SLC8A1: variants seen among roughly 807,000 people sequenced by gnomAD.
The protein encoded by SLC8A1 is solute carrier family 8 member A1, also known as sodium/calcium exchanger 1.
A neutral mutation model predicts 68.3 loss-of-function variants in SLC8A1; 18 were observed. The ratio of observed to expected loss-of-function variants is 0.26; its 90% CI spans 0.18 to 0.39. The LOEUF is 0.39. Among genes scored for constraint, SLC8A1 ranks in the 10% least tolerant of loss-of-function variants. The pLI is 1.00. For synonymous variants in SLC8A1, 475 were observed against 415.5 expected (o/e 1.14, Z -1.74); for missense variants, 985 against 1,156.7 (o/e 0.85, Z 2.15).
chr2:40,510,811 C>CATAT (rs1007210485), intron 1 of SLC8A1, among the ~76,000 whole-genome samples: 2 of 152,000 alleles, frequency 1.3e-5, no homozygotes, highest in Non-Finnish European at 2.9e-5. Flanking sequence ...TGTAAATAGG[C>CATAT]ATATAAAAGA....
chr2:40,114,391 G>A (rs2034973254), exon 8 of SLC8A1: 1 of 152,846 alleles, frequency 6.5e-6, no homozygotes, highest in South Asian at 2.1e-4. Flanking sequence ...TTGCATAGGG[G>A]ATGGCAGGTG....
At chr2:40,193,065 C>T (rs751771525) in intron 2 of SLC8A1, among the ~76,000 whole-genome samples, 9 of 152,124 alleles carry the variant, frequency 5.9e-5, no homozygotes, top group Non-Finnish European at 1.3e-4. Context: ...TTGGTTGACT[C>T]ACTGTCTGTA....
At chr2:40,385,165 C>T (rs1683151938) in intron 2 of SLC8A1, among the ~76,000 whole-genome samples, 1 of 152,014 alleles carries the variant, frequency 6.6e-6, no homozygotes, top group Non-Finnish European at 1.5e-5. Context: ...TAATTGCTAT[C>T]ACCTTTTTAA....
In SLC8A1 at chr2:40,213,228, C is replaced by G. The variant is rs541381685; in HGVS notation, c.1809-35373G>C. 9 of 152,248 alleles carry G rather than the reference C, an allele frequency of 5.9e-5. No homozygotes were observed. In the South Asian group the frequency reaches 1.7e-3, roughly 28 times the overall value. The allele number at this position is 152,248 out of a possible 1,614,324, so 9.4% of individuals were successfully genotyped here. On this transcript the variant is annotated intron_variant, in intron 2 of 7. Transcript: ENST00000406785. The stretch of plus-strand genomic sequence containing the variant: ...CACAGATAATTCACTGGTAAGATCA[C>G]CGAGTGACCCAGGAATGAAACCTAC...
chr2:40,285,103 A>G (rs2068105205), intron 2 of SLC8A1, among the ~76,000 whole-genome samples: 1 of 152,140 alleles, frequency 6.6e-6, no homozygotes. Flanking sequence ...TTCCTTCAAG[A>G]GACATTTATT....
intron 2 of SLC8A1, among the ~76,000 whole-genome samples, chr2:40,258,481 C>A (rs550090874): frequency 6.6e-6 from 1 of 152,320 alleles, no homozygotes; most frequent in South Asian, 2.1e-4. Context: ...CCTCTCCACC[C>A]AAAACCCTGC....
intron 2 of SLC8A1, among the ~76,000 whole-genome samples, chr2:40,367,549 T>C (rs933552410): frequency 6.6e-6 from 1 of 152,022 alleles, no homozygotes; most frequent in African/African-American, 2.4e-5. Context: ...GTAAGTATTT[T>C]CCTTGCCCTA....
intron 1 of SLC8A1, among the ~76,000 whole-genome samples, chr2:40,434,204 G>A (rs972556705): frequency 5.9e-5 from 9 of 152,140 alleles, no homozygotes; most frequent in African/African-American, 2.2e-4. Context: ...GAAAAAGGAA[G>A]GGGGCTTCCG....
At chr2:40,323,977 G>C (rs924076058) in intron 2 of SLC8A1, among the ~76,000 whole-genome samples, 10 of 151,128 alleles carry the variant, frequency 6.6e-5, no homozygotes, top group Non-Finnish European at 1.5e-4. Flanking sequence ...CTTATAAATA[G>C]AGTTACTATG....
At chr2:40,201,046 C>T (rs935521223) in intron 2 of SLC8A1, among the ~76,000 whole-genome samples, 7 of 151,320 alleles carry the variant, frequency 4.6e-5, no homozygotes, top group African/African-American at 9.7e-5. Flanking sequence ...AAAGTAAGGG[C>T]GAGAATTATA....
intron 1 of SLC8A1, among the ~76,000 whole-genome samples, chr2:40,475,246 G>C (rs1004242538): frequency 6.6e-6 from 1 of 152,048 alleles, no homozygotes; most frequent in Non-Finnish European, 1.5e-5. Context: ...CCATTCTCCT[G>C]CCTCAGCCTC....
chr2:40,338,671 A>C (rs2192766), intron 2 of SLC8A1, among the ~76,000 whole-genome samples: 26,934 of 152,030 alleles, frequency 0.18, 4,214 homozygotes, highest in African/African-American at 0.42. Context: ...GTGACAACAA[A>C]ACAAGTTGTG....
At chr2:40,215,422 G>C (rs1378859880) in intron 2 of SLC8A1, among the ~76,000 whole-genome samples, 1 of 151,960 alleles carries the variant, frequency 6.6e-6, no homozygotes, top group South Asian at 2.1e-4. Flanking sequence ...TGGATCATGA[G>C]GTCAGGAGAT....
intron 2 of SLC8A1, among the ~76,000 whole-genome samples, chr2:40,284,521 C>G (rs991053982): frequency 7.0e-5 from 10 of 143,032 alleles, no homozygotes; most frequent in Non-Finnish European, 3.0e-5. Context: ...ATATAGACAA[C>G]AATATCTATA....
chr2:40,449,587 C>T (rs929614182), intron 1 of SLC8A1, among the ~76,000 whole-genome samples: 1 of 152,216 alleles, frequency 6.6e-6, no homozygotes, highest in African/African-American at 2.4e-5. Flanking sequence ...AGCACTGTTA[C>T]TCCCATGCTC....
At chr2:40,492,347 G>C (rs1476290735) in intron 1 of SLC8A1, among the ~76,000 whole-genome samples, 1 of 152,048 alleles carries the variant, frequency 6.6e-6, no homozygotes, top group African/African-American at 2.4e-5. Flanking sequence ...ATTAACTCAA[G>C]ATGGATTAAA....
chr2:40,137,440 CT>C (rs2040724352), intron 7 of SLC8A1, among the ~76,000 whole-genome samples: 1 of 152,124 alleles, frequency 6.6e-6, no homozygotes, highest in South Asian at 2.1e-4. Flanking sequence ...ACATATTCTC[CT>C]CAGAGACTAA....
intron 2 of SLC8A1, chr2:40,208,963 T>G (rs985328469): frequency 6.6e-6 from 1 of 152,056 alleles, no homozygotes; most frequent in African/African-American, 2.4e-5. Context: ...AGTAATTATT[T>G]ACAAATTCAG....
chr2:40,406,660 C>A (rs1690442205), intron 2 of SLC8A1, among the ~76,000 whole-genome samples: 1 of 152,086 alleles, frequency 6.6e-6, no homozygotes, highest in Non-Finnish European at 1.5e-5. Context: ...GAACCCAAGG[C>A]CCTCTGTTAC....
Sources: allele counts gnomAD v4.1 joint callset (sites outside exome capture counted in the v4.1 genomes callset), GRCh38; gene constraint gnomAD v4.1.1; transcripts MANE v1.5; gene names NCBI Gene and HGNC (gene_info 2026-07-23, HGNC 2026-07-21).